RNLS: variants seen among roughly 807,000 people sequenced by gnomAD.
RNLS encodes the protein renalase, FAD dependent amine oxidase.
RNLS carries 39 observed loss-of-function variants against 39.8 expected under a neutral mutation model. The observed-to-expected ratio is 0.98, with a 90% confidence interval of 0.76 to 1.28. The LOEUF (loss-of-function observed/expected upper bound fraction) is 1.28, where lower values mean the gene tolerates loss of function less well. RNLS is among the 50% of genes most tolerant of loss of function. The pLI, the probability that RNLS is intolerant of heterozygous loss-of-function variation, is 0.00. For missense variants in RNLS, 410 were observed against 413.3 expected (o/e 0.99, Z 0.07); for synonymous variants, 147 against 150.7 (o/e 0.98, Z 0.18).
chr10:88,414,096 T>C (rs12762588), intron 4 of RNLS, among the ~76,000 whole-genome samples: 1 of 151,648 alleles, frequency 6.6e-6, no homozygotes, highest in African/African-American at 2.4e-5. Flanking sequence ...GAAGTTTTTG[T>C]TTGTTTATTT....
intron 4 of RNLS, among the ~76,000 whole-genome samples, chr10:88,481,976 AT>A (rs199955883): frequency 3.3e-5 from 5 of 151,198 alleles, no homozygotes; most frequent in Admixed American, 1.3e-4. Flanking sequence ...TTCTTCGTTG[AT>A]TTTTTTTTCT....
the RNLS span, among the ~76,000 whole-genome samples, chr10:88,210,177 T>A: frequency 1.3e-5 from 2 of 152,246 alleles, no homozygotes; most frequent in African/African-American, 4.8e-5. Context: ...TTATATGGGA[T>A]TCTTTGCTTG....
At chr10:88,398,689 T>C (rs1441698569) in intron 4 of RNLS, among the ~76,000 whole-genome samples, 1 of 151,974 alleles carries the variant, frequency 6.6e-6, no homozygotes, top group African/African-American at 2.4e-5. Flanking sequence ...ATAAGACTCT[T>C]AGAAGAAAAC....
chr10:88,176,938 G>A, the RNLS span, among the ~76,000 whole-genome samples: 1 of 152,180 alleles, frequency 6.6e-6, no homozygotes, highest in South Asian at 2.1e-4. Context: ...TGGCCTCTAA[G>A]AAATCTGCTG....
the RNLS span, among the ~76,000 whole-genome samples, chr10:88,225,857 AGGAT>A: frequency 2.6e-5 from 4 of 152,262 alleles, no homozygotes; most frequent in Admixed American, 1.3e-4. Flanking sequence ...TTTAGACTAA[AGGAT>A]GGCTCTTTAA....
rs1850450905 is a variant in RNLS at position 88,580,133 on chromosome 10, T to C, written c.367+1434A>G. Reference sequence around the variant, plus strand: ...GGGTGTCTACCTTGCTGGATCACCCTGCAGATCTTGGGACTTACCAACCAA... The same window carrying C: ...GGGTGTCTACCTTGCTGGATCACCCCGCAGATCTTGGGACTTACCAACCAA... On this transcript the variant is annotated intron_variant, in intron 3 of 6. Coordinates refer to ENST00000331772, the MANE Select transcript of RNLS (RefSeq NM_001031709.3). Among the ~76,000 whole-genome samples, 3 of 152,190 alleles carry C rather than the reference T, an allele frequency of 2.0e-5. No homozygotes were observed. In the South Asian group the frequency reaches 6.2e-4, roughly 32 times the overall value.
the RNLS span, among the ~76,000 whole-genome samples, chr10:88,172,064 C>A: frequency 1.3e-5 from 2 of 152,254 alleles, no homozygotes; most frequent in East Asian, 3.9e-4. Flanking sequence ...TTTCTTTATC[C>A]ATTCATCTGT....
chr10:88,243,043 T>C, the RNLS span, among the ~76,000 whole-genome samples: 1 of 152,204 alleles, frequency 6.6e-6, no homozygotes, highest in African/African-American at 2.4e-5. Flanking sequence ...AAGCGGAACA[T>C]TGATCAGTTT....
intron 4 of RNLS, among the ~76,000 whole-genome samples, chr10:88,401,656 C>T (rs115708891): frequency 1.3e-3 from 197 of 151,992 alleles, no homozygotes; most frequent in African/African-American, 4.6e-3. Context: ...TGTTGATTTG[C>T]TTATTTTTAA....
chr10:88,324,838 C>A lies in RNLS; in HGVS notation c.701-10197G>T, dbSNP rs78773030. Among the ~76,000 whole-genome samples, 625 of 152,262 alleles carry A rather than the reference C, an allele frequency of 4.1e-3. 5 individuals are homozygous for A. Among genetic ancestry groups the A allele is most frequent in the South Asian group, 0.029 (138 of 4,828 alleles). On this transcript the variant is annotated intron_variant, in intron 5 of 6. Transcript: ENST00000331772. Reference sequence around the variant, plus strand: ...TTCCCCAGCCCTGGCAACTACCATTCTATTTCTGTCTGTATTAATTTGACT... The same window carrying A: ...TTCCCCAGCCCTGGCAACTACCATTATATTTCTGTCTGTATTAATTTGACT...
chr10:88,343,490 G>C (rs1428493615), intron 5 of RNLS: 8 of 914,758 alleles, frequency 8.7e-6, no homozygotes, highest in Admixed American at 6.2e-5. Context: ...AGTGATGAAC[G>C]TAAGTTTGAT....
intron 4 of RNLS, among the ~76,000 whole-genome samples, chr10:88,428,396 T>C (rs1216156999): frequency 6.8e-6 from 1 of 146,648 alleles, no homozygotes; most frequent in African/African-American, 2.4e-5. Flanking sequence ...GCAAGAAATG[T>C]GCTGGTCTAA....
chr10:88,203,230 GTGTGTGT>G, the RNLS span, among the ~76,000 whole-genome samples: 1 of 1,308 alleles, frequency 7.6e-4, no homozygotes, highest in Non-Finnish European at 1.8e-3. Context: ...AAAAGTGTGT[GTGTGTGT>G]GTGTGTGTGT....
At chr10:88,242,946 AAAACAAAC>A in the RNLS span, among the ~76,000 whole-genome samples, 107 of 149,774 alleles carry the variant, frequency 7.1e-4, no homozygotes, top group East Asian at 3.6e-3. Flanking sequence ...AAACTCTGTC[AAAACAAAC>A]AAACAAACAA....
At chr10:88,253,438 C>A in the RNLS span, among the ~76,000 whole-genome samples, 124,863 of 151,912 alleles carry the variant, frequency 0.82, 51,547 homozygotes, top group Middle Eastern at 0.91. Context: ...CCAGGGGTGG[C>A]AACTGGGGAC....
intron 4 of RNLS, among the ~76,000 whole-genome samples, chr10:88,502,059 T>C (rs568737159): frequency 2.2e-3 from 334 of 152,252 alleles, no homozygotes; most frequent in Non-Finnish European, 4.2e-3. Context: ...CTGCCTTACT[T>C]GTAAGGGTGT....
At chr10:88,196,354 T>A in the RNLS span, among the ~76,000 whole-genome samples, 1 of 152,232 alleles carries the variant, frequency 6.6e-6, no homozygotes, top group East Asian at 1.9e-4. Context: ...ATCCTCTCTA[T>A]CTATTCTATT....
the RNLS span, among the ~76,000 whole-genome samples, chr10:88,182,911 T>C: frequency 6.6e-6 from 1 of 152,118 alleles, no homozygotes; most frequent in Non-Finnish European, 1.5e-5. Context: ...GATTGGGAGT[T>C]AGACAGACTG....
At chr10:88,174,295 A>G in the RNLS span, among the ~76,000 whole-genome samples, 1 of 152,004 alleles carries the variant, frequency 6.6e-6, no homozygotes, top group Non-Finnish European at 1.5e-5. Flanking sequence ...TGTGTTGGAT[A>G]AGAGCAGTGA....
Sources: gnomAD v4.1 joint callset for allele counts (sites outside exome capture counted in the v4.1 genomes callset) on GRCh38, gnomAD v4.1.1 for gene constraint, MANE v1.5 for transcripts, NCBI Gene and HGNC (gene_info 2026-07-23, HGNC 2026-07-21) for gene names.